SCUBE1: variants seen among roughly 807,000 people sequenced by gnomAD.
SCUBE1 encodes signal peptide, CUB domain and EGF like domain containing 1, also known as signal peptide, CUB and EGF-like domain-containing protein 1.
Under a neutral mutation model 124.4 loss-of-function variants are expected in SCUBE1, and 59 were observed. The ratio of observed to expected loss-of-function variants is 0.47; its 90% CI spans 0.38 to 0.59. SCUBE1 has a LOEUF of 0.59. Ranked by LOEUF, SCUBE1 falls within the 20% of genes least tolerant of loss-of-function variation. The pLI is 0.00. For synonymous variants in SCUBE1, 545 were observed against 550.9 expected (o/e 0.99, Z 0.15); for missense variants, 1,150 against 1,371.2 (o/e 0.84, Z 2.55).
intron 2 of SCUBE1, among the ~76,000 whole-genome samples, chr22:43,325,743 C>T (rs1926706138): frequency 6.6e-6 from 1 of 151,904 alleles, no homozygotes; most frequent in Non-Finnish European, 1.5e-5. Context: ...AACTCAATTC[C>T]CAACAGAAGA....
intron 10 of SCUBE1, 54 bp downstream of exon 10, chr22:43,227,320 C>T (rs1387820437): frequency 1.1e-5 from 17 of 1,570,708 alleles, no homozygotes; most frequent in African/African-American, 2.7e-5. Context: ...CACTGTCCCT[C>T]CCATCCAAGC....
chr22:43,259,912 G>C (rs1210256101), intron 5 of SCUBE1, among the ~76,000 whole-genome samples: 1 of 152,192 alleles, frequency 6.6e-6, no homozygotes, highest in Non-Finnish European at 1.5e-5. Context: ...TCTTCTCCAG[G>C]GTGGAGCCGG....
chr22:43,256,902 C>T (rs1020064859), intron 6 of SCUBE1, among the ~76,000 whole-genome samples: 44 of 152,198 alleles, frequency 2.9e-4, no homozygotes, highest in Non-Finnish European at 7.3e-5. Flanking sequence ...CCGGGTTTGG[C>T]TTTTAATTCT....
rs1921116798 is a variant in SCUBE1 at position 43,204,034 on chromosome 22, C to T, written c.2930G>A (p.Arg977His). 8 of 1,614,044 alleles carry T rather than the reference C, an allele frequency of 5.0e-6. No individual in the cohort carries two copies. Among genetic ancestry groups the T allele is most frequent in the Non-Finnish European group, 6.8e-6 (8 of 1,180,020 alleles). The part of the protein sequence containing the change: ...MFPRSFIKLL[R>H]SKVSRFLRPY... ...CCGCAGGAACCGAGACACTTTGGAG[C>T]GCAGCAGTTTGATGAAGGACCGTGG... Residue 977 changes from arginine (R) to histidine (H), a missense_variant, in exon 22 of 22, where the codon CGC (arginine) becomes CAC (histidine). By Grantham distance (29) the Arg-to-His change is conservative. Coordinates refer to ENST00000360835, the MANE Select transcript of SCUBE1 (RefSeq NM_173050.5).
intron 3 of SCUBE1, among the ~76,000 whole-genome samples, chr22:43,307,185 C>T (rs1041564066): frequency 6.6e-6 from 1 of 152,194 alleles, no homozygotes; most frequent in Non-Finnish European, 1.5e-5. Flanking sequence ...GCCTGAGTGC[C>T]AGTCCCAGGA....
chr22:43,221,993 G>A (rs1922109682), intron 12 of SCUBE1, among the ~76,000 whole-genome samples: 1 of 152,170 alleles, frequency 6.6e-6, no homozygotes, highest in African/African-American at 2.4e-5. Flanking sequence ...GAACCTGGGA[G>A]GCGGAGGTTG....
At chr22:43,328,826 T>A (rs891790421) in intron 2 of SCUBE1, among the ~76,000 whole-genome samples, 1 of 152,154 alleles carries the variant, frequency 6.6e-6, no homozygotes, top group Non-Finnish European at 1.5e-5. Context: ...ACCACCTTGA[T>A]GGTAACTGGC....
chr22:43,224,977 A>G (rs1332709420), intron 10 of SCUBE1, among the ~76,000 whole-genome samples: 2 of 152,236 alleles, frequency 1.3e-5, no homozygotes, highest in Non-Finnish European at 2.9e-5. Context: ...AGCTTAGAAT[A>G]ACGTTGGTCA....
At chr22:43,284,846 C>T (rs994013897) in intron 4 of SCUBE1, among the ~76,000 whole-genome samples, 2 of 152,126 alleles carry the variant, frequency 1.3e-5, no homozygotes, top group South Asian at 2.1e-4. Context: ...TACTGCTGGC[C>T]CCCACCTCTG....
intron 4 of SCUBE1, among the ~76,000 whole-genome samples, chr22:43,269,838 G>A (rs1431428232): frequency 2.0e-5 from 3 of 152,142 alleles, no homozygotes; most frequent in Non-Finnish European, 2.9e-5. Flanking sequence ...AAGGAAACCC[G>A]GGGAAGGTGG....
chr22:43,248,612 T>C (rs1241597671), intron 6 of SCUBE1, among the ~76,000 whole-genome samples: 2 of 152,242 alleles, frequency 1.3e-5, no homozygotes, highest in Non-Finnish European at 2.9e-5. Flanking sequence ...CCTGACCACC[T>C]GATCCTTCTC....
At chr22:43,311,341 C>T (rs1311759826) in intron 3 of SCUBE1, among the ~76,000 whole-genome samples, 1 of 152,018 alleles carries the variant, frequency 6.6e-6, no homozygotes, top group Non-Finnish European at 1.5e-5. Context: ...TGGCATATAG[C>T]AGGCACTCAG....
chr22:43,227,567 C>A, intron 9 of SCUBE1, 71 bp from the exon 10 acceptor site: 1 of 1,577,836 alleles, frequency 6.3e-7, no homozygotes. Context: ...AGGGACCACC[C>A]AGGGCAAGAG....
chr22:43,299,090 C>T (rs1286540677), intron 3 of SCUBE1, among the ~76,000 whole-genome samples: 1 of 151,644 alleles, frequency 6.6e-6, no homozygotes, highest in Non-Finnish European at 1.5e-5. Flanking sequence ...TGAGTCTTTG[C>T]TGGTCACTTG....
intron 15 of SCUBE1, among the ~76,000 whole-genome samples, chr22:43,217,985 C>CT: frequency 6.6e-6 from 1 of 152,048 alleles, no homozygotes; most frequent in Non-Finnish European, 1.5e-5. Context: ...CCCGTGCCCC[C>CT]TCGCGCCCCT....
rs1490033757 is a variant in SCUBE1 at position 43,227,126 on chromosome 22, C to T, written c.1207+248G>A. On this transcript the variant is annotated intron_variant, in intron 10 of 21. Coordinates refer to ENST00000360835, the MANE Select transcript of SCUBE1 (RefSeq NM_173050.5). ...TGCAGATCTCCTCTGTGCCCTCCTC[C>T]CCACTTCAGGTCCCTGTTGCAGTGC... Among the ~76,000 whole-genome samples, 14 of 152,336 alleles carry T rather than the reference C, an allele frequency of 9.2e-5. No individual in the cohort carries two copies. In the East Asian group the frequency reaches 2.5e-3, roughly 27 times the overall value.
At chr22:43,290,933 C>A in intron 4 of SCUBE1, 113 bp downstream of exon 4, 7 of 1,262,322 alleles carry the variant, frequency 5.5e-6, no homozygotes, top group Non-Finnish European at 6.4e-6. Flanking sequence ...AGACTACCAC[C>A]AAAATTCCCT....
intron 6 of SCUBE1, among the ~76,000 whole-genome samples, chr22:43,247,176 A>G (rs937117653): frequency 3.9e-5 from 6 of 152,192 alleles, no homozygotes; most frequent in Non-Finnish European, 8.8e-5. Context: ...GATGGTGAAG[A>G]AGGAAAGGAT....
At chr22:43,239,112 C>T in intron 6 of SCUBE1, 158 bp from the exon 7 acceptor site, 1 of 617,178 alleles carries the variant, frequency 1.6e-6, no homozygotes, top group South Asian at 2.0e-5. Flanking sequence ...GGAAGCTGTG[C>T]TGCCTCTCTG....
Sources: allele counts gnomAD v4.1 joint callset (sites outside exome capture counted in the v4.1 genomes callset), GRCh38; gene constraint gnomAD v4.1.1; transcripts MANE v1.5; gene names NCBI Gene and HGNC (gene_info 2026-07-23, HGNC 2026-07-21).